Variants in RNF38 observed in about 807,000 individuals in gnomAD.
The protein encoded by RNF38 is ring finger protein 38, also known as E3 ubiquitin-protein ligase RNF38.
A neutral mutation model predicts 67.2 loss-of-function variants in RNF38; 15 were observed. That is an observed-to-expected ratio of 0.22 (90% CI 0.15 to 0.34). RNF38 has a LOEUF of 0.34. Among genes scored for constraint, RNF38 ranks in the 10% least tolerant of loss-of-function variants. RNF38 has a pLI of 1.00. For missense variants in RNF38, 524 were observed against 639.9 expected (o/e 0.82, Z 1.95); for synonymous variants, 220 against 218.8 (o/e 1.01, Z -0.05).
intron 1 of RNF38, among the ~76,000 whole-genome samples, chr9:36,472,777 C>A (rs1370992027): frequency 1.3e-5 from 2 of 152,160 alleles, no homozygotes; most frequent in African/African-American, 2.4e-5. Context: ...AGCATGGGAT[C>A]TTTTCTAAGA....
intron 1 of RNF38, among the ~76,000 whole-genome samples, chr9:36,393,239 G>C (rs1837245103): frequency 6.6e-6 from 1 of 152,022 alleles, no homozygotes. Flanking sequence ...TTAAGATCTT[G>C]GTCATAGACA....
chr9:36,484,993 C>T (rs553766843), intron 1 of RNF38, among the ~76,000 whole-genome samples: 45 of 152,146 alleles, frequency 3.0e-4, no homozygotes, highest in South Asian at 2.1e-3. Context: ...GATGAAACCC[C>T]GTCTCTACTA....
At chr9:36,345,021 T>A in intron 9 of RNF38, 68 bp from the exon 10 acceptor site, 5 of 1,487,498 alleles carry the variant, frequency 3.4e-6, no homozygotes, top group Admixed American at 1.9e-5. Flanking sequence ...TTTTTTTTTT[T>A]AAGAGATGGA....
intron 2 of RNF38, among the ~76,000 whole-genome samples, chr9:36,422,337 A>T (rs1838650681): frequency 6.6e-6 from 1 of 151,932 alleles, no homozygotes; most frequent in Non-Finnish European, 1.5e-5. Flanking sequence ...GAATCTTTTG[A>T]ACCTGGGAGG....
At position 36,391,587 on chromosome 9, in the gene RNF38, C is replaced by T. The variant is rs190398321; in HGVS notation, c.13-971G>A. ...CATCTATTTGGTGACAGGCATTAAA[C>T]CAAAAACAAAGGCATCGTTTCCTAC... On this transcript the variant is annotated intron_variant, in intron 1 of 11. Transcript: ENST00000259605. Among the ~76,000 whole-genome samples the T allele has an allele frequency of 6.7e-4, 102 of 151,314 alleles. No individual in the cohort carries two copies. The East Asian group carries it at 0.017, about 25-fold the overall frequency.
At chr9:36,411,408 C>T (rs1371686066) in intron 2 of RNF38, among the ~76,000 whole-genome samples, 1 of 152,120 alleles carries the variant, frequency 6.6e-6, no homozygotes, top group Non-Finnish European at 1.5e-5. Context: ...CTAGCAATTC[C>T]ACTTCTGGGT....
At position 36,338,727 on chromosome 9, in the gene RNF38, C is replaced by T. The variant is rs1158697140; in HGVS notation, c.*1025G>A. 6.6e-6 allele frequency: 1 copy of T among 152,178 alleles called. No individual in the cohort carries two copies. Among genetic ancestry groups the T allele is most frequent in the Admixed American group, 6.6e-5 (1 of 15,202 alleles). 9.4% of individuals were successfully genotyped at this position (152,178 alleles called of 1,614,324 possible). On this transcript the variant is annotated 3_prime_UTR_variant, in exon 12 of 12. Transcript: ENST00000259605. ...TCTTAGAAATATATTAATCAAATATCTTCAGAATAGACTAGACTACAAATC... is the reference window on the plus strand; with the variant it reads ...TCTTAGAAATATATTAATCAAATATTTTCAGAATAGACTAGACTACAAATC...
intron 1 of RNF38, among the ~76,000 whole-genome samples, chr9:36,456,569 T>C (rs765011067): frequency 3.3e-4 from 50 of 152,102 alleles, no homozygotes; most frequent in Admixed American, 6.6e-4. Flanking sequence ...GGTTTTTCTC[T>C]TCAAGGATCT....
At position 36,339,629 on chromosome 9, in the gene RNF38, G is replaced by A. The variant is rs1276921213; in HGVS notation, c.*123C>T. The A allele has an allele frequency of 1.4e-6, 1 of 715,060 alleles. No individual in the cohort carries two copies. The highest frequency in any genetic ancestry group is 1.8e-5 in the African/African-American group (1 of 56,578). 44.3% of individuals were successfully genotyped at this position (715,060 alleles called of 1,614,324 possible). A position where few individuals can be genotyped will look rare whatever the true frequency, so the allele number is the denominator to read the frequency against. ...AGTTGATTAAGTCACACAGTGCAAA[G>A]AAAGGTCCATTGACCCTTTTGGTAA... On this transcript the variant is annotated 3_prime_UTR_variant, in exon 12 of 12. Coordinates refer to ENST00000259605, the MANE Select transcript of RNF38 (RefSeq NM_022781.5).
At chr9:36,427,058 T>C (rs1838791026) in intron 1 of RNF38, among the ~76,000 whole-genome samples, 1 of 152,204 alleles carries the variant, frequency 6.6e-6, no homozygotes, top group South Asian at 2.1e-4. Context: ...TTTTTTTTGC[T>C]AGAGCTGTTT....
intron 2 of RNF38, among the ~76,000 whole-genome samples, chr9:36,387,899 A>C (rs549890884): frequency 1.3e-5 from 2 of 152,202 alleles, no homozygotes; most frequent in South Asian, 2.1e-4. Flanking sequence ...AACAAAAAAA[A>C]CAGGAAACTA....
chr9:36,433,418 C>T (rs985377827), intron 1 of RNF38, among the ~76,000 whole-genome samples: 5 of 151,454 alleles, frequency 3.3e-5, no homozygotes, highest in Non-Finnish European at 7.4e-5. Flanking sequence ...TAGGTACCCA[C>T]AAAAATTAAA....
intron 9 of RNF38, among the ~76,000 whole-genome samples, chr9:36,348,137 G>A (rs921520660): frequency 6.6e-6 from 1 of 151,940 alleles, no homozygotes; most frequent in Non-Finnish European, 1.5e-5. Context: ...TCAAAGCGGA[G>A]ACAGGCCAAA....
chr9:36,454,863 C>T (rs1357682574), intron 1 of RNF38, among the ~76,000 whole-genome samples: 2 of 152,074 alleles, frequency 1.3e-5, no homozygotes, highest in African/African-American at 4.8e-5. Context: ...GGGTTAAAGG[C>T]GTGAGCCACT....
intron 2 of RNF38, among the ~76,000 whole-genome samples, chr9:36,388,088 C>G (rs1836780690): frequency 6.6e-6 from 1 of 151,888 alleles, no homozygotes; most frequent in Non-Finnish European, 1.5e-5. Context: ...CAAAATTAAA[C>G]AGTATAATAT....
intron 2 of RNF38, among the ~76,000 whole-genome samples, chr9:36,387,698 A>G (rs1836751427): frequency 6.6e-6 from 1 of 152,226 alleles, no homozygotes; most frequent in Admixed American, 6.5e-5. Context: ...TTAAGATTCT[A>G]ATTTTAAATA....
intron 1 of RNF38, among the ~76,000 whole-genome samples, chr9:36,484,786 T>C (rs1020670290): frequency 2.0e-5 from 3 of 152,196 alleles, no homozygotes; most frequent in East Asian, 1.9e-4. Context: ...CCCTGTTCCA[T>C]ATGGTTTTTG....
intron 2 of RNF38, among the ~76,000 whole-genome samples, chr9:36,406,692 G>A (rs532127240): frequency 7.2e-5 from 11 of 152,274 alleles, no homozygotes; most frequent in Admixed American, 2.6e-4. Flanking sequence ...TACGTTTCTC[G>A]CTTGGTAAAT....
At chr9:36,450,624 T>C (rs1357175573) in intron 1 of RNF38, among the ~76,000 whole-genome samples, 2 of 152,160 alleles carry the variant, frequency 1.3e-5, no homozygotes, top group Non-Finnish European at 2.9e-5. Flanking sequence ...ATTCTCAAAA[T>C]TAACCTAGAG....
Sources: gnomAD v4.1 joint callset for allele counts (sites outside exome capture counted in the v4.1 genomes callset) on GRCh38, gnomAD v4.1.1 for gene constraint, MANE v1.5 for transcripts, NCBI Gene and HGNC (gene_info 2026-07-23, HGNC 2026-07-21) for gene names.